The following SH2D3C variants were observed in gnomAD, a reference collection of about 807,000 sequenced individuals.
SH2D3C encodes SH2 domain containing 3C.
SH2D3C carries 25 observed loss-of-function variants against 75.2 expected under a neutral mutation model. The ratio of observed to expected loss-of-function variants is 0.33; its 90% confidence interval spans 0.24 to 0.46. The LOEUF (loss-of-function observed/expected upper bound fraction) is 0.46. SH2D3C is among the 20% of genes least tolerant of loss of function. The pLI, the probability that SH2D3C is intolerant of heterozygous loss-of-function variation, is 1.00. For synonymous variants in SH2D3C, 450 were observed against 473.7 expected (o/e 0.95, Z 0.65); for missense variants, 933 against 1,165.3 (o/e 0.80, Z 2.90).
At chr9:127,762,384 C>A in intron 2 of SH2D3C, 1 of 1,191,124 alleles carries the variant, frequency 8.4e-7, no homozygotes, top group South Asian at 1.3e-5. Flanking sequence ...ACTTGGAAAC[C>A]CAACTACCTC....
Position 127,754,306 on chromosome 9 carries a change from C to A in SH2D3C, c.556-3006G>T, listed in dbSNP as rs1845292250. Among the ~76,000 whole-genome samples, 1 of 152,114 alleles carries A rather than the reference C, an allele frequency of 6.6e-6. No homozygotes were observed. The highest frequency in any genetic ancestry group is 1.5e-5 in the Non-Finnish European group (1 of 67,976). ...AGCCTGGGGGAGCGAAGAGCCGACG[C>A]GCCTGGCATCTCCCAGGGGGCTCAG... On this transcript the variant is annotated intron_variant, in intron 3 of 11. Coordinates refer to ENST00000314830, the MANE Select transcript of SH2D3C (RefSeq NM_170600.3). This position sits in a 1 kb window ranked among gnomAD's most constrained non-coding sequence, Gnocchi z 4.4.
Position 127,756,275 on chromosome 9 carries a change from C to T in SH2D3C, c.556-4975G>A, listed in dbSNP as rs147336151. 2.5e-3 allele frequency among the ~76,000 whole-genome samples: 385 copies of T among 152,208 alleles called. 8 individuals are homozygous for T. In the East Asian group the frequency reaches 0.055, roughly 22 times the overall value. On this transcript the variant is annotated intron_variant, in intron 3 of 11. Coordinates refer to ENST00000314830, the MANE Select transcript of SH2D3C (RefSeq NM_170600.3). ...CAAGATTGTACCACTGCACTCCAGC[C>T]CGGGTGATGGAGCAAGACTCTGTCT...
rs751131267 is a variant in SH2D3C, at chr9:127,774,098, G to A, written c.407C>T (p.Ala136Val). The A allele has an allele frequency of 5.2e-5, 84 of 1,614,134 alleles. 2 individuals carry two copies. In the South Asian group the frequency reaches 6.3e-4, roughly 12 times the overall value. ...KATGPLEDTPAMEPNPSAVEV... is the reference protein window; with the variant it reads ...KATGPLEDTPVMEPNPSAVEV... The stretch of plus-strand genomic sequence containing the variant: ...CACTGCTGAAGGGTTGGGTTCCATT[G>A]CTGGGGTGTCCTCTAGAGGGCCAGT... The change falls in exon 2 of 12, where the codon GCA becomes GTA. Residue 136 changes from alanine to valine, a missense_variant. By Grantham distance (64) the Ala-to-Val change is moderately conservative. Transcript: ENST00000314830. The surrounding 1 kb of genome is among the most constrained non-coding windows in gnomAD (Gnocchi z 4.3).
At chr9:127,767,798 TCA>T (rs1845663081) in intron 2 of SH2D3C, among the ~76,000 whole-genome samples, 1 of 152,240 alleles carries the variant, frequency 6.6e-6, no homozygotes, top group Non-Finnish European at 1.5e-5. Flanking sequence ...GTCACTGTTC[TCA>T]ATTTACTGAT....
At position 127,749,066 on chromosome 9, in the gene SH2D3C, T is replaced by C. The variant is rs1447302113; in HGVS notation, c.1139+145A>G. The C allele has an allele frequency of 1.5e-6, 1 of 681,078 alleles. No homozygotes were observed. Among genetic ancestry groups the C allele is most frequent in the East Asian group, 2.7e-5 (1 of 37,330 alleles). The allele number at this position is 681,078 out of a possible 1,614,324, so 42.2% of individuals were successfully genotyped here. On this transcript the variant is annotated intron_variant, in intron 5 of 11. Coordinates refer to ENST00000314830, the MANE Select transcript of SH2D3C (RefSeq NM_170600.3). This position sits in a 1 kb window ranked among gnomAD's most constrained non-coding sequence, Gnocchi z 5.9. ...CTGTGTTCTGTACATCCACAGAGTA[T>C]GGCCCAACCTTCCTCCCATTCCTCC...
chr9:127,745,913 AG>A (rs1187100396), intron 6 of SH2D3C, among the ~76,000 whole-genome samples: 1 of 152,226 alleles, frequency 6.6e-6, no homozygotes, highest in Non-Finnish European at 1.5e-5. Context: ...CTAAGCTCTT[AG>A]TGCCTGCAAG....
intron 10 of SH2D3C, 119 bp from the exon 11 acceptor site, chr9:127,740,007 A>T: frequency 2.0e-6 from 2 of 994,778 alleles, no homozygotes; most frequent in Non-Finnish European, 2.9e-6. Context: ...AGAGAGCCCC[A>T]AGGGCTCCTG....
chr9:127,759,471 C>T (rs1845473941), intron 3 of SH2D3C, among the ~76,000 whole-genome samples: 1 of 152,200 alleles, frequency 6.6e-6, no homozygotes, highest in East Asian at 1.9e-4. Flanking sequence ...CCGCCTTGGC[C>T]TCCCAAAGTG....
chr9:127,774,086 T>C lies in SH2D3C; in HGVS notation c.419A>G (p.Asn140Ser), dbSNP rs908026894. 3 of 1,613,918 alleles carry C rather than the reference T, an allele frequency of 1.9e-6. No homozygotes were observed. The highest frequency in any genetic ancestry group is 2.7e-5 in the African/African-American group (2 of 74,876). The change falls in exon 2 of 12, where the codon AAC becomes AGC. Residue 140 changes from asparagine (N) to serine (S), a missense_variant. Asn to Ser is a conservative substitution (Grantham distance 46, BLOSUM62 1). Transcript: ENST00000314830. This position sits in a 1 kb window ranked among gnomAD's most constrained non-coding sequence, Gnocchi z 4.3. ...PLEDTPAMEP[N>S]PSAVEVDPIR... ...GGGGTCTACCTCCACTGCTGAAGGG[T>C]TGGGTTCCATTGCTGGGGTGTCCTC...
intron 7 of SH2D3C, among the ~76,000 whole-genome samples, chr9:127,744,317 C>T (rs975647680): frequency 2.0e-5 from 3 of 152,006 alleles, no homozygotes; most frequent in African/African-American, 7.3e-5. Context: ...GTGATCCGCC[C>T]GCCTCGGCCT....
rs770390338 is a variant in SH2D3C, at chr9:127,751,298, G to A, written c.558C>T (p.Phe186=). The change falls in exon 4 of 12, where the codon TTC becomes TTT. Residue 186 remains phenylalanine (F), a splice_region_variant and synonymous_variant. Coordinates refer to ENST00000314830, the MANE Select transcript of SH2D3C (RefSeq NM_170600.3). The surrounding 1 kb of genome is among the most constrained non-coding windows in gnomAD (Gnocchi z 4.1). ...AGTCCAGGATGTACTTCTCCTTGGA[G>A]AACTGGGTAGAAAACAGCAAGAGTT... ...EPEAGSDYVK[F]SKEKYILDSS... is the part of the protein sequence containing the mutation. 7.6e-5 allele frequency: 122 copies of A among 1,613,528 alleles called. No homozygotes were observed. The highest frequency in any genetic ancestry group is 1.0e-4 in the Non-Finnish European group (118 of 1,179,708).
chr9:127,757,632 TGATGATGATG>T (rs1564419821), intron 3 of SH2D3C, among the ~76,000 whole-genome samples: 106 of 120,286 alleles, frequency 8.8e-4, no homozygotes, highest in African/African-American at 1.9e-3. Flanking sequence ...ATGATGATGA[TGATGATGATG>T]ATGATTATTA....
chr9:127,740,875 G>T (rs1244469293), intron 9 of SH2D3C, among the ~76,000 whole-genome samples: 3 of 152,144 alleles, frequency 2.0e-5, no homozygotes. Flanking sequence ...TAGAGACGGG[G>T]TTTCACCATG....
chr9:127,745,935 G>T (rs1845017469), intron 6 of SH2D3C, among the ~76,000 whole-genome samples: 1 of 152,124 alleles, frequency 6.6e-6, no homozygotes, highest in Admixed American at 6.6e-5. Flanking sequence ...ACCCTTCTTT[G>T]TACCTCAGTC....
At chr9:127,758,561 G>A (rs994501014) in intron 3 of SH2D3C, among the ~76,000 whole-genome samples, 8 of 152,042 alleles carry the variant, frequency 5.3e-5, no homozygotes, top group African/African-American at 1.9e-4. Flanking sequence ...TCCCTCCCAC[G>A]GTGGCATAAG....
Position 127,744,766 on chromosome 9 carries a change from G to C in SH2D3C, c.1598C>G (p.Ala533Gly). The change falls in exon 7 of 12, where the codon GCC becomes GGC. Residue 533 changes from alanine to glycine, a missense_variant. Physicochemically the swap from Ala to Gly is moderately conservative, Grantham distance 60. Transcript: ENST00000314830. Reference protein sequence around the residue: ...ERLKELSENGAPEGDWGKTFT... With the variant: ...ERLKELSENGGPEGDWGKTFT... The stretch of plus-strand genomic sequence containing the variant: ...GGTCTTGCCCCAGTCCCCTTCAGGG[G>C]CCCCATTTTCTGACAGTTCCTTTAG... 6.2e-7 allele frequency: 1 copy of C among 1,614,206 alleles called. No homozygotes were observed. Among genetic ancestry groups the C allele is most frequent in the South Asian group, 1.1e-5 (1 of 91,086 alleles).
chr9:127,742,983 G>A lies in SH2D3C; in HGVS notation c.1801-19C>T. 6.3e-7 allele frequency: 1 copy of A among 1,585,150 alleles called. No homozygotes were observed. The highest frequency in any genetic ancestry group is 8.7e-7 in the Non-Finnish European group (1 of 1,154,690). On this transcript the variant is annotated intron_variant, in intron 7 of 11. Transcript: ENST00000314830. ...TAGCAACCTGCAAAGACGCCCAGAG[G>A]GCTGATTAATATCCTGTCAGGGCTG... is the stretch of plus-strand genomic sequence containing the variant.
rs532700238 is a variant in SH2D3C at position 127,775,633 on chromosome 9, G to A, written c.38-1166C>T. Among the ~76,000 whole-genome samples the A allele has an allele frequency of 1.7e-3, 252 of 147,672 alleles. 2 individuals are homozygous for A. The highest frequency in any genetic ancestry group is 6.0e-3 in the African/African-American group (241 of 39,982). On this transcript the variant is annotated intron_variant, in intron 1 of 11. Coordinates refer to ENST00000314830, the MANE Select transcript of SH2D3C (RefSeq NM_170600.3). ...CAAGAGTGAGACTCCATCTCAAAAT[G>A]AATAAATAAATAAATAAAAATAAAA...
chr9:127,771,490 T>C (rs993800330), intron 2 of SH2D3C: 2 of 761,788 alleles, frequency 2.6e-6, no homozygotes, highest in Non-Finnish European at 3.7e-6. Flanking sequence ...CATCAGTCAG[T>C]GTCGGGAAGG....
Sources: allele counts gnomAD v4.1 joint callset (sites outside exome capture counted in the v4.1 genomes callset), GRCh38; gene constraint gnomAD v4.1.1; non-coding constraint Gnocchi (gnomAD v3.1); transcripts MANE v1.5; gene names NCBI Gene and HGNC (gene_info 2026-07-23, HGNC 2026-07-21).